ZBTB7C: variants seen among roughly 807,000 people sequenced by gnomAD.
The protein encoded by ZBTB7C is zinc finger and BTB domain containing 7C.
ZBTB7C carries 8 observed loss-of-function variants against 25.7 expected under a neutral mutation model. The ratio of observed to expected loss-of-function variants is 0.31; its 90% CI spans 0.18 to 0.56. The LOEUF (loss-of-function observed/expected upper bound fraction) is 0.56, where lower values mean the gene tolerates loss of function less well. Ranked by LOEUF, ZBTB7C falls within the 20% of genes least tolerant of loss-of-function variation. The pLI, the probability that ZBTB7C is intolerant of heterozygous loss-of-function variation, is 0.91. For missense variants in ZBTB7C, 824 were observed against 855.2 expected, an observed-to-expected ratio of 0.96 and a Z score of 0.46; for synonymous variants, 394 against 369.0, an observed-to-expected ratio of 1.07 and a Z score of -0.78.
intron 2 of ZBTB7C, among the ~76,000 whole-genome samples, chr18:48,193,678 C>A (rs2042252280): frequency 2.0e-5 from 3 of 152,234 alleles, no homozygotes; most frequent in Admixed American, 1.3e-4. Context: ...CCCTCCCCAG[C>A]AGGATGGACA....
At chr18:48,266,523 A>G (rs550144384) in intron 2 of ZBTB7C, among the ~76,000 whole-genome samples, 2 of 152,250 alleles carry the variant, frequency 1.3e-5, no homozygotes, top group Non-Finnish European at 2.9e-5. Flanking sequence ...CTAGCACTAT[A>G]GAGAAACAGA....
chr18:48,228,222 C>A (rs939164396), intron 2 of ZBTB7C, among the ~76,000 whole-genome samples: 1 of 152,164 alleles, frequency 6.6e-6, no homozygotes, highest in Admixed American at 6.5e-5. Flanking sequence ...TGATAACCAA[C>A]AGGTCCTCCA....
intron 2 of ZBTB7C, among the ~76,000 whole-genome samples, chr18:48,247,292 A>G (rs2043721446): frequency 6.6e-6 from 1 of 152,234 alleles, no homozygotes; most frequent in Non-Finnish European, 1.5e-5. Flanking sequence ...ATTATTATTT[A>G]ACATTGTCTG....
chr18:48,289,756 A>G (rs2144679357), intron 2 of ZBTB7C, among the ~76,000 whole-genome samples: 1 of 152,278 alleles, frequency 6.6e-6, no homozygotes, highest in Middle Eastern at 3.4e-3. Flanking sequence ...TTTGGGTCCT[A>G]TATGCGCCCA....
At chr18:48,031,453 C>T (rs1389816936) in intron 4 of ZBTB7C, among the ~76,000 whole-genome samples, 3 of 152,212 alleles carry the variant, frequency 2.0e-5, no homozygotes, top group Non-Finnish European at 2.9e-5. Context: ...TAGTACTCTG[C>T]TGTGATATCC....
intron 3 of ZBTB7C, among the ~76,000 whole-genome samples, chr18:48,054,547 G>C (rs1054896471): frequency 1.3e-5 from 2 of 152,134 alleles, no homozygotes; most frequent in African/African-American, 4.8e-5. Context: ...ATTTAGAGAC[G>C]AGGTCCAGCC....
intron 2 of ZBTB7C, among the ~76,000 whole-genome samples, chr18:48,322,397 G>T (rs1188214746): frequency 6.6e-6 from 1 of 152,180 alleles, no homozygotes; most frequent in South Asian, 2.1e-4. Flanking sequence ...CCCTGGAAGA[G>T]AGTGGACAAA....
chr18:48,223,000 C>T (rs913657740), intron 2 of ZBTB7C, among the ~76,000 whole-genome samples: 21 of 152,258 alleles, frequency 1.4e-4, no homozygotes, highest in African/African-American at 5.1e-4. Flanking sequence ...CAGCAACCCC[C>T]ATGCCCAGGC....
intron 4 of ZBTB7C, among the ~76,000 whole-genome samples, chr18:48,031,727 G>A (rs112443004): frequency 1.3e-3 from 200 of 152,300 alleles, no homozygotes; most frequent in African/African-American, 4.6e-3. Flanking sequence ...GTGGTCCGTG[G>A]ACCCCACACT....
At chr18:48,366,149 G>A (rs1462332240) in intron 1 of ZBTB7C, among the ~76,000 whole-genome samples, 1 of 152,250 alleles carries the variant, frequency 6.6e-6, no homozygotes, top group African/African-American at 2.4e-5. Flanking sequence ...GCTGCCATCT[G>A]CAATTTGCTG....
At chr18:48,298,681 G>A (rs2045464822) in intron 2 of ZBTB7C, among the ~76,000 whole-genome samples, 1 of 152,134 alleles carries the variant, frequency 6.6e-6, no homozygotes, top group Non-Finnish European at 1.5e-5. Flanking sequence ...AGTGGCTCAG[G>A]GTGCCCAGCA....
intron 3 of ZBTB7C, among the ~76,000 whole-genome samples, chr18:48,117,186 A>G (rs1269335519): frequency 6.6e-6 from 1 of 152,240 alleles, no homozygotes; most frequent in Non-Finnish European, 1.5e-5. Flanking sequence ...CTCCGTGGAC[A>G]AAGCAAGGTT....
At chr18:48,333,588 A>T (rs2046389254) in intron 2 of ZBTB7C, among the ~76,000 whole-genome samples, 1 of 152,066 alleles carries the variant, frequency 6.6e-6, no homozygotes, top group South Asian at 2.1e-4. Flanking sequence ...AGTTTGTGAC[A>T]CCCCCCTCTG....
chr18:48,321,020 G>T (rs1568374757), intron 2 of ZBTB7C, among the ~76,000 whole-genome samples: 1 of 152,262 alleles, frequency 6.6e-6, no homozygotes, highest in Non-Finnish European at 1.5e-5. Context: ...TTTTATGTCA[G>T]TGGTTCTCTA....
intron 2 of ZBTB7C, among the ~76,000 whole-genome samples, chr18:48,242,645 A>G (rs1295651527): frequency 6.6e-6 from 1 of 152,254 alleles, no homozygotes; most frequent in Non-Finnish European, 1.5e-5. Flanking sequence ...GACAATATCT[A>G]GCATCCCTTT....
chr18:48,197,650 C>T lies in ZBTB7C; in HGVS notation c.-78-11655G>A, dbSNP rs534480120. Among the ~76,000 whole-genome samples the T allele has an allele frequency of 7.2e-4, 110 of 152,258 alleles. 1 individual carries two copies. Among genetic ancestry groups the T allele is most frequent in the Non-Finnish European group, 2.8e-4 (19 of 68,012 alleles). On this transcript the variant is annotated intron_variant, in intron 2 of 4. Coordinates refer to ENST00000590800, the MANE Select transcript of ZBTB7C (RefSeq NM_001318841.2). ...CGGCCAGTTGAGCTTCTGCTGAGGG[C>T]TCTGCTCTTGGTTTCAGACACCATC...
At chr18:48,042,838 G>GTACTC (rs745607949) in intron 3 of ZBTB7C, among the ~76,000 whole-genome samples, 1 of 152,316 alleles carries the variant, frequency 6.6e-6, no homozygotes, top group Non-Finnish European at 1.5e-5. Context: ...GCTCTGTACT[G>GTACTC]TACTCTGGGG....
intron 2 of ZBTB7C, among the ~76,000 whole-genome samples, chr18:48,316,791 G>A (rs2045957880): frequency 6.6e-6 from 1 of 152,146 alleles, no homozygotes; most frequent in Non-Finnish European, 1.5e-5. Flanking sequence ...CCCAGCCTCA[G>A]GTATTCCTTT....
At chr18:48,219,786 G>C (rs2042907535) in intron 2 of ZBTB7C, among the ~76,000 whole-genome samples, 2 of 152,226 alleles carry the variant, frequency 1.3e-5, no homozygotes, top group South Asian at 4.1e-4. Flanking sequence ...TGTTGGAGGA[G>C]TGGACTGAGT....
Sources: gnomAD v4.1 joint callset for allele counts (sites outside exome capture counted in the v4.1 genomes callset) on GRCh38, gnomAD v4.1.1 for gene constraint, MANE v1.5 for transcripts, NCBI Gene and HGNC (gene_info 2026-07-23, HGNC 2026-07-21) for gene names.